Variants in PRDM5 observed in about 807,000 individuals in gnomAD.
PRDM5 encodes PR domain zinc finger protein 5.
PRDM5 carries 56 observed loss-of-function variants against 81.2 expected under a neutral mutation model. That is an observed-to-expected ratio of 0.69 (90% confidence interval 0.56 to 0.86). The LOEUF (loss-of-function observed/expected upper bound fraction) is 0.86. Among genes scored for constraint, PRDM5 ranks in the 40% least tolerant of loss-of-function variants. The pLI is 0.00. For synonymous variants in PRDM5, 267 were observed against 256.4 expected, an observed-to-expected ratio of 1.04 and a Z score of -0.39; for missense variants, 697 against 770.1, an observed-to-expected ratio of 0.91 and a Z score of 1.12.
Position 120,853,475 on chromosome 4 carries a change from C to G in PRDM5, c.243G>C (p.Trp81Cys). 1 of 1,613,766 alleles carries G rather than the reference C, an allele frequency of 6.2e-7. No homozygotes were observed. The highest frequency in any genetic ancestry group is 8.5e-7 in the Non-Finnish European group (1 of 1,179,756). Residue 81 changes from tryptophan (W) to cysteine (C), a missense_variant, in exon 3 of 16, where the codon TGG becomes TGC. Physicochemically the swap from Trp to Cys is radical, Grantham distance 215. Coordinates refer to ENST00000264808, the MANE Select transcript of PRDM5 (RefSeq NM_018699.4). ...LDATNPRHSN[W>C]LRFVHEAPSQ... Reference sequence around the variant, plus strand: ...ATGGTGCCTCATGAACGAAGCGAAGCCAGTTGGAGTGCCGTGGGTTGGTAG... The same window carrying G: ...ATGGTGCCTCATGAACGAAGCGAAGGCAGTTGGAGTGCCGTGGGTTGGTAG...
At chr4:120,688,858 CATAA>C (rs1009042179), downstream of PRDM5, among the ~76,000 whole-genome samples, 60 of 152,202 alleles carry the variant, frequency 3.9e-4, no homozygotes, top group African/African-American at 1.3e-3. Context: ...TAAAAACTGG[CATAA>C]ATACTGTTTT....
intron 13 of PRDM5, among the ~76,000 whole-genome samples, chr4:120,768,851 G>A: frequency 6.6e-6 from 1 of 152,120 alleles, no homozygotes; most frequent in Non-Finnish European, 1.5e-5. Context: ...AAGTTTATAG[G>A]CACTAGTGAG....
At chr4:120,821,485 T>C in intron 3 of PRDM5, 140 bp from the exon 4 acceptor site, 1 of 787,746 alleles carries the variant, frequency 1.3e-6, no homozygotes, top group Non-Finnish European at 2.0e-6. Context: ...ATCTGGGTGC[T>C]GAAAAAGGCA....
At chr4:120,872,356 A>C (rs1761920920) in intron 2 of PRDM5, among the ~76,000 whole-genome samples, 1 of 152,088 alleles carries the variant, frequency 6.6e-6, no homozygotes, top group Admixed American at 6.5e-5. Context: ...ACGAGGGATT[A>C]CTATTCAGCC....
chr4:120,700,467 TAA>T (rs1209815196), intron 15 of PRDM5, among the ~76,000 whole-genome samples: 2 of 152,052 alleles, frequency 1.3e-5, no homozygotes, highest in Non-Finnish European at 2.9e-5. Context: ...TGAAACCTAA[TAA>T]AACTAAAGAG....
At position 120,692,874 on chromosome 4, in the gene PRDM5, T is replaced by C. The variant is rs1417671990; in HGVS notation, c.*2237A>G. The C allele has an allele frequency of 1.3e-5, 2 of 152,098 alleles. No individual in the cohort carries two copies. The highest frequency in any genetic ancestry group is 2.9e-5 in the Non-Finnish European group (2 of 68,016). The allele number at this position is 152,098 out of a possible 1,614,324, so 9.4% of individuals were successfully genotyped here. A position where few individuals can be genotyped will look rare whatever the true frequency, so the allele number is the denominator to read the frequency against. ...CTAAAATAGTGTCTTTTTTTGGTTA[T>C]TACTAAGTAATTTAAAAGTTTTAGC... On this transcript the variant is annotated 3_prime_UTR_variant, in exon 16 of 16. Coordinates refer to ENST00000264808, the MANE Select transcript of PRDM5 (RefSeq NM_018699.4).
At chr4:120,799,825 T>C (rs1212649449) in intron 8 of PRDM5, 80 bp from the exon 9 acceptor site, 5 of 1,553,988 alleles carry the variant, frequency 3.2e-6, no homozygotes, top group Middle Eastern at 2.1e-4. Flanking sequence ...AGTGTAAACA[T>C]GTGAACAGCT....
intron 14 of PRDM5, among the ~76,000 whole-genome samples, chr4:120,753,697 T>C (rs577658021): frequency 8.6e-5 from 13 of 151,694 alleles, no homozygotes; most frequent in African/African-American, 2.9e-4. Context: ...ATAAGTCTCT[T>C]AAAATTTGAA....
intron 2 of PRDM5, among the ~76,000 whole-genome samples, chr4:120,874,618 G>A (rs183917515): frequency 6.6e-4 from 100 of 152,238 alleles, no homozygotes; most frequent in Non-Finnish European, 1.2e-3. Flanking sequence ...AAGCCAGTAT[G>A]CTTAGTGGTA....
intron 2 of PRDM5, among the ~76,000 whole-genome samples, chr4:120,860,047 G>A (rs1760388438): frequency 6.6e-6 from 1 of 152,128 alleles, no homozygotes; most frequent in Admixed American, 6.6e-5. Context: ...TGCCACACCT[G>A]ACATTTAGCT....
chr4:120,741,094 C>A (rs1009849012), intron 14 of PRDM5, among the ~76,000 whole-genome samples: 5 of 152,138 alleles, frequency 3.3e-5, no homozygotes, highest in African/African-American at 1.2e-4. Flanking sequence ...CCGATTCAAC[C>A]AACTTGCTTT....
intron 2 of PRDM5, among the ~76,000 whole-genome samples, chr4:120,870,095 A>T (rs950061680): frequency 5.9e-5 from 9 of 152,016 alleles, no homozygotes; most frequent in Non-Finnish European, 1.2e-4. Flanking sequence ...AGAAACAGCG[A>T]GATAAAGGAC....
At chr4:120,791,693 A>T (rs893188519) in intron 10 of PRDM5, among the ~76,000 whole-genome samples, 3 of 151,906 alleles carry the variant, frequency 2.0e-5, no homozygotes, top group African/African-American at 7.3e-5. Flanking sequence ...CCACCCAACC[A>T]CCACCAACTC....
intron 13 of PRDM5, among the ~76,000 whole-genome samples, chr4:120,755,019 T>C (rs1287431714): frequency 1.3e-5 from 2 of 152,274 alleles, no homozygotes; most frequent in Admixed American, 6.5e-5. Context: ...AGGGGAATTA[T>C]TTAACTGATT....
chr4:120,852,081 T>C (rs1332631301), intron 3 of PRDM5, among the ~76,000 whole-genome samples: 3 of 152,166 alleles, frequency 2.0e-5, no homozygotes, highest in Non-Finnish European at 4.4e-5. Flanking sequence ...AGAGAAGCCC[T>C]AACTATAGGG....
intron 12 of PRDM5, among the ~76,000 whole-genome samples, chr4:120,777,549 T>C (rs1328524899): frequency 6.6e-6 from 1 of 152,118 alleles, no homozygotes; most frequent in Non-Finnish European, 1.5e-5. Context: ...TAAAAATGAT[T>C]AAATTATACA....
chr4:120,890,284 T>TTTTAAA (rs1763899911), intron 2 of PRDM5, among the ~76,000 whole-genome samples: 1 of 152,134 alleles, frequency 6.6e-6, no homozygotes. Flanking sequence ...TGTTACACAC[T>TTTTAAA]TTTAAATGAA....
intron 11 of PRDM5, among the ~76,000 whole-genome samples, chr4:120,783,343 G>A (rs1415055106): frequency 6.6e-6 from 1 of 152,000 alleles, no homozygotes; most frequent in Non-Finnish European, 1.5e-5. Context: ...TAAAGCCTGT[G>A]ATTAATGTGC....
intron 13 of PRDM5, among the ~76,000 whole-genome samples, chr4:120,775,892 G>T (rs961619242): frequency 2.0e-5 from 3 of 152,132 alleles, no homozygotes; most frequent in Non-Finnish European, 4.4e-5. Context: ...CCACTAGACT[G>T]CAGTGCTAGC....
Sources: allele counts gnomAD v4.1 joint callset (sites outside exome capture counted in the v4.1 genomes callset), GRCh38; gene constraint gnomAD v4.1.1; transcripts MANE v1.5; gene names NCBI Gene and HGNC (gene_info 2026-07-23, HGNC 2026-07-21).